The following DPP6 variants were observed in gnomAD, a reference collection of about 807,000 sequenced individuals.
DPP6 encodes the protein dipeptidyl peptidase like 6, also known as A-type potassium channel modulatory protein DPP6.
Under a neutral mutation model 122.6 loss-of-function variants are expected in DPP6, and 69 were observed. The ratio of observed to expected loss-of-function variants is 0.56; its 90% confidence interval spans 0.46 to 0.69. The LOEUF is 0.69. Ranked by LOEUF, DPP6 falls within the 30% of genes least tolerant of loss-of-function variation. The pLI is 0.00. For missense variants in DPP6, 928 were observed against 1,116.9 expected, an observed-to-expected ratio of 0.83 and a Z score of 2.41; for synonymous variants, 418 against 433.1, an observed-to-expected ratio of 0.97 and a Z score of 0.43.
At chr7:153,893,806 G>A (rs1308057295) in intron 1 of DPP6, among the ~76,000 whole-genome samples, 1 of 152,206 alleles carries the variant, frequency 6.6e-6, no homozygotes, top group African/African-American at 2.4e-5. Context: ...GAACAAAGAC[G>A]AGATTGTGGA....
intron 1 of DPP6, among the ~76,000 whole-genome samples, chr7:153,984,053 AACACACACACACACACAC>A (rs528640069): frequency 8.0e-4 from 105 of 132,016 alleles, no homozygotes; most frequent in Admixed American, 2.5e-3. Flanking sequence ...TTCTGTCCAT[AACACACACACACACACAC>A]ACACACACAC....
intron 1 of DPP6, among the ~76,000 whole-genome samples, chr7:153,976,227 C>G (rs1213440178): frequency 3.9e-5 from 6 of 152,096 alleles, no homozygotes; most frequent in Non-Finnish European, 5.9e-5. Flanking sequence ...CCCAGAGATA[C>G]AGGGGAGAGT....
chr7:154,866,271 C>A (rs1445936526), intron 17 of DPP6, among the ~76,000 whole-genome samples: 1 of 152,234 alleles, frequency 6.6e-6, no homozygotes, highest in African/African-American at 2.4e-5. Context: ...TATGCAGTCA[C>A]TGTCTCATAA....
chr7:154,003,417 C>T (rs1169715838), intron 1 of DPP6, among the ~76,000 whole-genome samples: 1 of 152,158 alleles, frequency 6.6e-6, no homozygotes, highest in Non-Finnish European at 1.5e-5. Context: ...ATCAGTTTAG[C>T]CAGGCTCACA....
rs568502571 is a variant in DPP6 at position 154,267,477 on chromosome 7, CACAT to C, written c.244-178733_244-178730del. Among the ~76,000 whole-genome samples the C allele has an allele frequency of 1.8e-3, 268 of 150,154 alleles. 2 individuals carry two copies. Among genetic ancestry groups the C allele is most frequent in the African/African-American group, 6.0e-3 (247 of 41,024 alleles). On this transcript the variant is annotated intron_variant, in intron 1 of 25. Coordinates refer to ENST00000377770, the MANE Select transcript of DPP6 (RefSeq NM_130797.4). ...TGTGTATATATTTATCTCTTATAAA[CACAT>C]ACACATGTGTACACACACACATATA...
At chr7:154,585,148 G>T (rs1832356911) in intron 5 of DPP6, among the ~76,000 whole-genome samples, 1 of 152,134 alleles carries the variant, frequency 6.6e-6, no homozygotes, top group South Asian at 2.1e-4. Flanking sequence ...TTTCTAGAAG[G>T]TCATATAAAT....
At chr7:154,214,304 G>A (rs377531668) in intron 1 of DPP6, among the ~76,000 whole-genome samples, 2 of 152,234 alleles carry the variant, frequency 1.3e-5, no homozygotes, top group Non-Finnish European at 2.9e-5. Context: ...AAATAGTGAT[G>A]TAAGAAATGT....
At chr7:154,298,551 T>G (rs1273401356) in intron 1 of DPP6, among the ~76,000 whole-genome samples, 2 of 152,178 alleles carry the variant, frequency 1.3e-5, no homozygotes, top group Non-Finnish European at 1.5e-5. Context: ...CGGGTGTGAT[T>G]CTCTAGCCTT....
chr7:154,188,469 G>C (rs1189933256), intron 1 of DPP6, among the ~76,000 whole-genome samples: 6 of 152,044 alleles, frequency 3.9e-5, no homozygotes, highest in African/African-American at 7.2e-5. Flanking sequence ...ACAATCTAGT[G>C]GGGGTGAGAG....
intron 2 of DPP6, among the ~76,000 whole-genome samples, chr7:154,465,607 A>T (rs77681166): frequency 6.6e-6 from 1 of 152,172 alleles, no homozygotes; most frequent in African/African-American, 2.4e-5. Flanking sequence ...TATGAAAAAA[A>T]GTTCATCATC....
intron 1 of DPP6, among the ~76,000 whole-genome samples, chr7:154,211,696 G>A (rs1339711824): frequency 2.0e-5 from 3 of 152,138 alleles, no homozygotes; most frequent in African/African-American, 7.2e-5. Context: ...GCATTGGTCT[G>A]CGGAAACTGT....
chr7:153,965,973 T>G (rs1795691372), intron 1 of DPP6, among the ~76,000 whole-genome samples: 1 of 151,218 alleles, frequency 6.6e-6, no homozygotes, highest in Non-Finnish European at 1.5e-5. Context: ...ACAGAGAAAG[T>G]CACACTAGAA....
chr7:154,429,236 C>G (rs747721153), intron 1 of DPP6, among the ~76,000 whole-genome samples: 1 of 151,246 alleles, frequency 6.6e-6, no homozygotes, highest in Non-Finnish European at 1.5e-5. Flanking sequence ...TGAATGAGTT[C>G]TGGGAAATCC....
chr7:153,843,502 C>T, the DPP6 span, among the ~76,000 whole-genome samples: 1 of 129,836 alleles, frequency 7.7e-6, no homozygotes, highest in Non-Finnish European at 1.6e-5. Flanking sequence ...ATAGTGAAAA[C>T]TGGGTCCGGG....
intron 7 of DPP6, among the ~76,000 whole-genome samples, chr7:154,697,071 T>C (rs1464359761): frequency 3.9e-5 from 6 of 152,192 alleles, no homozygotes; most frequent in Admixed American, 6.5e-5. Flanking sequence ...TCCAGAATGG[T>C]AGGAGTGAAA....
chr7:154,093,421 A>G (rs1192634294), intron 1 of DPP6, among the ~76,000 whole-genome samples: 1 of 142,570 alleles, frequency 7.0e-6, no homozygotes, highest in Non-Finnish European at 1.5e-5. Context: ...TACACACCAC[A>G]CACACCCCAT....
the DPP6 span, among the ~76,000 whole-genome samples, chr7:153,830,285 C>CTCTGAGATGAGCTTGGAAGGGTT: frequency 6.6e-6 from 1 of 152,196 alleles, no homozygotes; most frequent in Non-Finnish European, 1.5e-5. Context: ...TGTAACTCTT[C>CTCTGAGATGAGCTTGGAAGGGTT]TCTGAGATGA....
intron 20 of DPP6, among the ~76,000 whole-genome samples, chr7:154,878,751 C>T (rs909516929): frequency 3.3e-5 from 5 of 152,156 alleles, no homozygotes; most frequent in Non-Finnish European, 7.3e-5. Context: ...CGACTAGGGC[C>T]GGTGGGCTCC....
intron 1 of DPP6, among the ~76,000 whole-genome samples, chr7:154,260,544 A>T (rs1202146480): frequency 6.6e-6 from 1 of 151,852 alleles, no homozygotes; most frequent in African/African-American, 2.4e-5. Flanking sequence ...GAGTGAGAAC[A>T]TATGATGGTT....
Sources: gnomAD v4.1 joint callset for allele counts (sites outside exome capture counted in the v4.1 genomes callset) on GRCh38, gnomAD v4.1.1 for gene constraint, MANE v1.5 for transcripts, NCBI Gene and HGNC (gene_info 2026-07-23, HGNC 2026-07-21) for gene names.